The following DHX57 variants were observed in gnomAD, a reference collection of about 807,000 sequenced individuals.
The protein encoded by DHX57 is DExH-box helicase 57.
Under a neutral mutation model 156.2 loss-of-function variants are expected in DHX57, and 105 were observed. The ratio of observed to expected loss-of-function variants is 0.67; its 90% CI spans 0.57 to 0.79. The LOEUF (loss-of-function observed/expected upper bound fraction) is 0.79, where lower values mean the gene tolerates loss of function less well. Among genes scored for constraint, DHX57 ranks in the 30% least tolerant of loss-of-function variants. The pLI is 0.00. For missense variants in DHX57, 1,847 were observed against 1,661.9 expected, an observed-to-expected ratio of 1.11 and a Z score of -1.94; for synonymous variants, 704 against 595.6, an observed-to-expected ratio of 1.18 and a Z score of -2.65.
At chr2:38,852,197 T>C (rs998927045) in intron 9 of DHX57, among the ~76,000 whole-genome samples, 3 of 151,870 alleles carry the variant, frequency 2.0e-5, no homozygotes, top group African/African-American at 7.3e-5. Flanking sequence ...AATTCCTTTT[T>C]TTTTTTTCTT....
intron 14 of DHX57, among the ~76,000 whole-genome samples, chr2:38,826,940 A>C (rs912106080): frequency 1.4e-4 from 22 of 152,020 alleles, no homozygotes; most frequent in African/African-American, 5.3e-4. Context: ...AGATCAGCCT[A>C]GCCAACATGG....
chr2:38,858,598 T>A (rs553705423), intron 6 of DHX57, 63 bp downstream of exon 6: 1 of 1,531,160 alleles, frequency 6.5e-7, no homozygotes, highest in East Asian at 2.4e-5. Context: ...AGCTCCCTAA[T>A]TCCTAATCCC....
chr2:38,855,957 G>T (rs902703386), intron 7 of DHX57, among the ~76,000 whole-genome samples: 2 of 152,080 alleles, frequency 1.3e-5, no homozygotes, highest in African/African-American at 4.8e-5. Context: ...AAAATTAGTT[G>T]GGTATGGTGG....
chr2:38,849,998 C>G (rs1323234686), intron 9 of DHX57, among the ~76,000 whole-genome samples: 1 of 152,158 alleles, frequency 6.6e-6, no homozygotes, highest in African/African-American at 2.4e-5. Flanking sequence ...TTGATGAGCT[C>G]TCCCACTAGA....
At position 38,809,293 on chromosome 2, in the gene DHX57, A is replaced by T. The variant is rs116023121; in HGVS notation, c.3682-2600T>A. Among the ~76,000 whole-genome samples the T allele has an allele frequency of 3.4e-3, 504 of 148,792 alleles. 1 individual carries two copies. The highest frequency in any genetic ancestry group is 0.012 in the African/African-American group (481 of 40,432). On this transcript the variant is annotated intron_variant, in intron 21 of 23. Coordinates refer to ENST00000457308, the MANE Select transcript of DHX57 (RefSeq NM_198963.3). ...TACCACCGTGCCTGGCTAATTAAAA[A>T]CAAATTTTTTTTGTAGAGACAAGTT...
In DHX57 at chr2:38,854,191, A is replaced by G. The variant is rs776617902; in HGVS notation, c.1906-13T>C. On this transcript the variant is annotated splice_polypyrimidine_tract_variant and intron_variant, in intron 8 of 23. Transcript: ENST00000457308. ...TGGTGGCTGAGGACTTACACATGAA[A>G]GGGCAATATAAATCATTAATAAAAT... The G allele has an allele frequency of 1.9e-6, 3 of 1,610,720 alleles. No individual in the cohort carries two copies. The highest frequency in any genetic ancestry group is 1.7e-6 in the Non-Finnish European group (2 of 1,178,870).
rs564333802 is a variant in DHX57, at chr2:38,856,512, T to C, written c.1588-51A>G. 1.6e-5 allele frequency: 25 copies of C among 1,546,860 alleles called. No individual in the cohort carries two copies. In the East Asian group the frequency reaches 5.2e-4, roughly 32 times the overall value. On this transcript the variant is annotated intron_variant, in intron 6 of 23. Transcript: ENST00000457308. ...AGTTGGGTTACTTTTTCTTTTTTTT[T>C]TTTTTTTTTTGAGACAGGGTCTCAC...
chr2:38,801,388 A>G (rs1669668616), intron 23 of DHX57, among the ~76,000 whole-genome samples: 1 of 149,384 alleles, frequency 6.7e-6, no homozygotes, highest in Non-Finnish European at 1.5e-5. Context: ...ACGGGTGTCC[A>G]CCTGAAGTTT....
intron 12 of DHX57, among the ~76,000 whole-genome samples, chr2:38,839,072 C>T (rs546370118): frequency 2.1e-4 from 32 of 152,008 alleles, no homozygotes; most frequent in Admixed American, 2.6e-4. Flanking sequence ...GCTGGGATTA[C>T]AGGCACGTAG....
chr2:38,815,300 A>G (rs577006397), intron 20 of DHX57, among the ~76,000 whole-genome samples: 14 of 152,104 alleles, frequency 9.2e-5, no homozygotes, highest in African/African-American at 3.4e-4. Context: ...CCTGAGCTCA[A>G]GCAATCCACC....
At chr2:38,801,023 A>G (rs908607015) in intron 23 of DHX57, among the ~76,000 whole-genome samples, 1 of 152,214 alleles carries the variant, frequency 6.6e-6, no homozygotes, top group African/African-American at 2.4e-5. Context: ...TAAATAAAAT[A>G]TATTAAGATT....
chr2:38,826,368 C>T lies in DHX57; in HGVS notation c.2813+148G>A, dbSNP rs189909659. ...GTTAAGGTCCATGGTCCTGGCTACACAATCATTCACACATCCACGTACAGT... is the reference window on the plus strand; with the variant it reads ...GTTAAGGTCCATGGTCCTGGCTACATAATCATTCACACATCCACGTACAGT... On this transcript the variant is annotated intron_variant, in intron 15 of 23. Coordinates refer to ENST00000457308, the MANE Select transcript of DHX57 (RefSeq NM_198963.3). 570 of 913,620 alleles carry T rather than the reference C, an allele frequency of 6.2e-4. 4 individuals are homozygous for T. In the African/African-American group the frequency reaches 8.9e-3, roughly 14 times the overall value. The allele number at this position is 913,620 out of a possible 1,614,324, so 56.6% of individuals were successfully genotyped here. A position where few individuals can be genotyped will look rare whatever the true frequency, so the allele number is the denominator to read the frequency against.
In DHX57 at chr2:38,813,847, C is replaced by A; in HGVS notation, c.3655G>T (p.Ala1219Ser). 2 of 1,613,702 alleles carry A rather than the reference C, an allele frequency of 1.2e-6. No homozygotes were observed. The highest frequency in any genetic ancestry group is 1.7e-6 in the Non-Finnish European group (2 of 1,179,692). Residue 1219 changes from alanine (A) to serine (S), a missense_variant, in exon 21 of 24, where the codon GCT becomes TCT. Transcript: ENST00000457308. ...NPKLISAMLC[A>S]ALYPNVVQVK... ...TGCACTACATTTGGATACAAAGCAGCACACAGCATTGCTGATATCAGCTTG... is the reference window on the plus strand; with the variant it reads ...TGCACTACATTTGGATACAAAGCAGAACACAGCATTGCTGATATCAGCTTG...
chr2:38,873,535 T>C (rs540853858), intron 1 of DHX57, among the ~76,000 whole-genome samples: 2 of 152,350 alleles, frequency 1.3e-5, no homozygotes, highest in African/African-American at 2.4e-5. Flanking sequence ...AGACTATGTC[T>C]ATTTTGATTA....
chr2:38,825,708 C>A, intron 16 of DHX57, 139 bp downstream of exon 16: 1 of 860,940 alleles, frequency 1.2e-6, no homozygotes, highest in Non-Finnish European at 1.8e-6. Context: ...CTAAGGATAT[C>A]TTTCTTCACA....
intron 11 of DHX57, among the ~76,000 whole-genome samples, chr2:38,845,865 C>CTT (rs5830544): frequency 7.3e-5 from 10 of 137,236 alleles, no homozygotes; most frequent in African/African-American, 1.6e-4. Context: ...TAATAGCTAA[C>CTT]TTTTTTTTTT....
At chr2:38,800,734 G>C (rs1013568215) in intron 23 of DHX57, among the ~76,000 whole-genome samples, 5 of 152,058 alleles carry the variant, frequency 3.3e-5, no homozygotes, top group Non-Finnish European at 5.9e-5. Flanking sequence ...CAGCCCTTTC[G>C]ATACCACTAG....
At position 38,831,844 on chromosome 2, in the gene DHX57, C is replaced by CAA. The variant is rs35533064; in HGVS notation, c.2543-3410_2543-3409dup. On this transcript the variant is annotated intron_variant, in intron 13 of 23. Coordinates refer to ENST00000457308, the MANE Select transcript of DHX57 (RefSeq NM_198963.3). ...CGCACTCCAGAGTGAGACTTCATCT[C>CAA]AAAAAAAAAAAAAAAATTACAAAAA... Among the ~76,000 whole-genome samples, 624 of 131,840 alleles carry CAA rather than the reference C, an allele frequency of 4.7e-3. 5 individuals carry two copies. Among genetic ancestry groups the CAA allele is most frequent in the South Asian group, 0.019 (73 of 3,922 alleles). The allele number at this position is 131,840 out of a possible 152,430, so 86.5% of individuals were successfully genotyped here. A position where few individuals can be genotyped will look rare whatever the true frequency, so the allele number is the denominator to read the frequency against.
intron 21 of DHX57, chr2:38,810,566 T>A: frequency 3.4e-6 from 2 of 582,802 alleles, no homozygotes; most frequent in Non-Finnish European, 6.5e-6. Context: ...TGCTCTCCAC[T>A]GTAGAGAGAC....
Sources: gnomAD v4.1 joint callset for allele counts (sites outside exome capture counted in the v4.1 genomes callset) on GRCh38, gnomAD v4.1.1 for gene constraint, MANE v1.5 for transcripts, NCBI Gene and HGNC (gene_info 2026-07-23, HGNC 2026-07-21) for gene names.